ZEB2: variants seen among roughly 807,000 people sequenced by gnomAD.
ZEB2 encodes the protein zinc finger E-box-binding homeobox 2.
In ZEB2, 6 loss-of-function variants were observed where a neutral mutation model predicts 99.9. The observed-to-expected ratio is 0.06, with a 90% CI of 0.03 to 0.12. ZEB2 has a LOEUF of 0.12. Ranked by LOEUF, ZEB2 falls within the 10% of genes least tolerant of loss-of-function variation. The pLI, the probability that ZEB2 is intolerant of heterozygous loss-of-function variation, is 1.00. For synonymous variants in ZEB2, 517 were observed against 542.5 expected (o/e 0.95, Z 0.65); for missense variants, 969 against 1,502.8 (o/e 0.64, Z 5.87).
intron 2 of ZEB2, chr2:144,464,337 T>C (rs1056478638): frequency 1.3e-5 from 2 of 152,188 alleles, no homozygotes; most frequent in Non-Finnish European, 2.9e-5. Context: ...AGGTGGTTTG[T>C]CTTTGCTACA....
At chr2:144,440,511 ATATATTTTTTTTTTTTTTTTTTT>A (rs1348194855) in intron 2 of ZEB2, among the ~76,000 whole-genome samples, 1 of 30,240 alleles carries the variant, frequency 3.3e-5, no homozygotes, top group Non-Finnish European at 6.9e-5. Flanking sequence ...ATATATATAT[ATATATTTTTTTTTTTTTTTTTTT>A]TTTTTTTTAA....
chr2:144,514,010 C>T (rs1263166651), intron 2 of ZEB2: 1 of 872,124 alleles, frequency 1.1e-6, no homozygotes, highest in African/African-American at 1.7e-5. Flanking sequence ...TCCTCCTGCA[C>T]ATCTTATTTT....
Position 144,398,164 on chromosome 2 carries a change from T to C in ZEB2, c.2886+137A>G, listed in dbSNP as rs10185359. ...TTCATCCATTGTTCTAGCCCACTGA[T>C]GGTTTTAGGTTCATGTTAAAGCAAA... On this transcript the variant is annotated intron_variant, in intron 8 of 9. Transcript: ENST00000627532. 0.77 allele frequency: 825,825 copies of C among 1,073,028 alleles called. 322,740 individuals are homozygous for C. The highest frequency in any genetic ancestry group is 0.86 in the East Asian group (32,000 of 37,376). The allele number at this position is 1,073,028 out of a possible 1,614,324, so 66.5% of individuals were successfully genotyped here.
At chr2:144,482,546 C>G (rs16823803) in intron 2 of ZEB2, among the ~76,000 whole-genome samples, 2,599 of 152,184 alleles carry the variant, frequency 0.017, 72 homozygotes, top group African/African-American at 0.058. Flanking sequence ...TTAAAACATC[C>G]CTTTCAATGT....
At chr2:144,397,887 C>A in intron 8 of ZEB2, 1 of 326,602 alleles carries the variant, frequency 3.1e-6, no homozygotes, top group Middle Eastern at 4.2e-4. Flanking sequence ...GTGATCCACC[C>A]TCGTTGGCCT....
chr2:144,453,000 T>C (rs1704075387), intron 2 of ZEB2, among the ~76,000 whole-genome samples: 3 of 152,202 alleles, frequency 2.0e-5, no homozygotes, highest in Admixed American at 2.0e-4. Flanking sequence ...ACAGGAAATG[T>C]ATATCCTTGT....
intron 2 of ZEB2, among the ~76,000 whole-genome samples, chr2:144,457,695 G>C (rs1704139853): frequency 1.3e-5 from 2 of 152,226 alleles, no homozygotes; most frequent in South Asian, 4.1e-4. Flanking sequence ...AATGGAACAG[G>C]TTTTATTTTG....
At chr2:144,517,832 C>G in intron 1 of ZEB2, 1 of 586,880 alleles carries the variant, frequency 1.7e-6, no homozygotes, top group Non-Finnish European at 3.1e-6. Flanking sequence ...TTCTCATCCC[C>G]CCACCCCCCA....
In ZEB2 at chr2:144,406,915, G is replaced by A. The variant is rs563871320; in HGVS notation, c.404-1891C>T. ...GGAATTGATGATGGAGATGAAGGAA[G>A]TGTCTGGATTTGAGAAATACCTAAG... On this transcript the variant is annotated intron_variant, in intron 4 of 9. Transcript: ENST00000627532. 2.3e-4 allele frequency among the ~76,000 whole-genome samples: 35 copies of A among 152,070 alleles called. No individual in the cohort carries two copies. In the South Asian group the frequency reaches 6.4e-3, roughly 28 times the overall value.
At chr2:144,453,964 A>G (rs564496281) in intron 2 of ZEB2, among the ~76,000 whole-genome samples, 89 of 152,350 alleles carry the variant, frequency 5.8e-4, no homozygotes, top group African/African-American at 2.0e-3. Flanking sequence ...ATGCCGTGTT[A>G]GAATATATTA....
rs1705085427 is a variant in ZEB2, at chr2:144,513,801, T to A, written c.73+3477A>T. ...GTGCTCATTTCTGACTCCAAGGCTG[T>A]GTGGAGATAGTGGGGTATAATCAGG... On this transcript the variant is annotated intron_variant, in intron 2 of 9. Coordinates refer to ENST00000627532, the MANE Select transcript of ZEB2 (RefSeq NM_014795.4). The A allele has an allele frequency of 2.6e-6, 4 of 1,536,072 alleles. No individual in the cohort carries two copies. In the East Asian group the frequency reaches 9.8e-5, roughly 38 times the overall value.
At chr2:144,447,232 G>A (rs1422260758) in intron 2 of ZEB2, among the ~76,000 whole-genome samples, 2 of 152,218 alleles carry the variant, frequency 1.3e-5, no homozygotes, top group Non-Finnish European at 2.9e-5. Flanking sequence ...GTATAAATAA[G>A]AGGGTTCTGA....
chr2:144,401,318 A>G lies in ZEB2; in HGVS notation c.808-11T>C, dbSNP rs2149878009. 6.2e-7 allele frequency: 1 copy of G among 1,613,384 alleles called. No homozygotes were observed. Among genetic ancestry groups the G allele is most frequent in the South Asian group, 1.1e-5 (1 of 91,070 alleles). On this transcript the variant is annotated splice_polypyrimidine_tract_variant and intron_variant, in intron 6 of 9. Coordinates refer to ENST00000627532, the MANE Select transcript of ZEB2 (RefSeq NM_014795.4). ...GGTTAGCATTTGGTGCTATAAAAGG[A>G]GAAAGACTGACATCAGTTTTGTGCA... is the stretch of plus-strand genomic sequence containing the variant.
intron 2 of ZEB2, among the ~76,000 whole-genome samples, chr2:144,476,464 G>A (rs1704431356): frequency 6.6e-6 from 1 of 152,080 alleles, no homozygotes; most frequent in Admixed American, 6.6e-5. Flanking sequence ...CAATTTCAAA[G>A]GACACTTAAG....
rs1057521945 is a variant in ZEB2, at chr2:144,519,931, A to G, written c.-70+8T>C. On this transcript the variant is annotated splice_region_variant and intron_variant, in intron 1 of 9. Transcript: ENST00000627532. ...AAAAGAGAGAAAAGGGGAGGAAAAAAAACCTACCTGCGAAGTCTTGTTTGT... is the reference window on the plus strand; with the variant it reads ...AAAAGAGAGAAAAGGGGAGGAAAAAGAACCTACCTGCGAAGTCTTGTTTGT... The G allele has an allele frequency of 1.8e-5, 8 of 446,308 alleles. No homozygotes were observed. In the East Asian group the frequency reaches 5.6e-4, roughly 31 times the overall value. 27.6% of individuals were successfully genotyped at this position (446,308 alleles called of 1,614,324 possible).
Position 144,388,777 on chromosome 2 carries a change from C to A in ZEB2, c.*674G>T, listed in dbSNP as rs925752534. On this transcript the variant is annotated 3_prime_UTR_variant, in exon 10 of 10. Coordinates refer to ENST00000627532, the MANE Select transcript of ZEB2 (RefSeq NM_014795.4). The surrounding 1 kb of genome is among the most constrained non-coding windows in gnomAD (Gnocchi z 5.4). ...AGGTTTGCATATAAGGCTTTTAAAA[C>A]CACCTTACAAAGGCTTTCTTTATTT... 9.5e-6 allele frequency: 4 copies of A among 419,894 alleles called. No homozygotes were observed. Among genetic ancestry groups the A allele is most frequent in the South Asian group, 3.6e-5 (2 of 55,824 alleles). The allele number at this position is 419,894 out of a possible 1,614,324, so 26.0% of individuals were successfully genotyped here.
At chr2:144,459,552 G>T (rs1268187133) in intron 2 of ZEB2, among the ~76,000 whole-genome samples, 1 of 152,102 alleles carries the variant, frequency 6.6e-6, no homozygotes. Flanking sequence ...CTTATAATCA[G>T]AAAGTTTTGA....
chr2:144,483,116 AG>A (rs1704537943), intron 2 of ZEB2, among the ~76,000 whole-genome samples: 1 of 108,624 alleles, frequency 9.2e-6, no homozygotes, highest in Admixed American at 1.1e-4. Flanking sequence ...TGTTTAGGTA[AG>A]ACACACACAC....
At chr2:144,463,994 C>T (rs776340386) in intron 2 of ZEB2, 4 of 152,098 alleles carry the variant, frequency 2.6e-5, no homozygotes, top group South Asian at 4.2e-4. Flanking sequence ...TCAGGGAAGG[C>T]TTCATGGGGA....
Sources: allele counts gnomAD v4.1 joint callset (sites outside exome capture counted in the v4.1 genomes callset), GRCh38; gene constraint gnomAD v4.1.1; non-coding constraint Gnocchi (gnomAD v3.1); transcripts MANE v1.5; gene names NCBI Gene and HGNC (gene_info 2026-07-23, HGNC 2026-07-21).